UST: variants seen among roughly 807,000 people sequenced by gnomAD.
UST encodes the protein chondroitin sulfate 2-O-sulfotransferase.
In UST, 21 loss-of-function variants were observed where a neutral mutation model predicts 45.6. The ratio of observed to expected loss-of-function variants is 0.46; its 90% CI spans 0.33 to 0.66. The LOEUF (loss-of-function observed/expected upper bound fraction) is 0.66, where lower values mean the gene tolerates loss of function less well. Among genes scored for constraint, UST ranks in the 30% least tolerant of loss-of-function variants. The pLI is 0.02. For synonymous variants in UST, 215 were observed against 200.6 expected (o/e 1.07, Z -0.61); for missense variants, 463 against 512.4 (o/e 0.90, Z 0.93).
intron 4 of UST, among the ~76,000 whole-genome samples, chr6:148,961,714 T>TA (rs1780662693): frequency 6.6e-6 from 1 of 152,214 alleles, no homozygotes; most frequent in South Asian, 2.1e-4. Flanking sequence ...TCAAGGCTTT[T>TA]AAAAATCACT....
intron 7 of UST, among the ~76,000 whole-genome samples, chr6:149,035,706 CTG>C (rs1344217835): frequency 6.6e-6 from 1 of 151,808 alleles, no homozygotes; most frequent in Non-Finnish European, 1.5e-5. Flanking sequence ...TGCAGGGTTG[CTG>C]TGAGCCAAGA....
At chr6:148,906,570 T>C (rs1779364755) in intron 2 of UST, among the ~76,000 whole-genome samples, 1 of 152,174 alleles carries the variant, frequency 6.6e-6, no homozygotes, top group Non-Finnish European at 1.5e-5. Context: ...TGACTGCCAT[T>C]GTATTAGGTT....
At chr6:148,993,625 C>G (rs577854366) in intron 5 of UST, among the ~76,000 whole-genome samples, 1 of 152,276 alleles carries the variant, frequency 6.6e-6, no homozygotes, top group African/African-American at 2.4e-5. Flanking sequence ...GAGGTGGGGC[C>G]TGGTGGGAAG....
intron 1 of UST, among the ~76,000 whole-genome samples, chr6:148,879,642 G>A (rs368493382): frequency 6.6e-6 from 1 of 152,176 alleles, no homozygotes; most frequent in African/African-American, 2.4e-5. Flanking sequence ...CAGTGAAGGC[G>A]GCTCTAATAC....
intron 7 of UST, among the ~76,000 whole-genome samples, chr6:149,058,966 C>T (rs1202285770): frequency 6.6e-6 from 1 of 152,144 alleles, no homozygotes. Flanking sequence ...ATGTATTTAC[C>T]GTAGCACATA....
chr6:148,837,435 G>A (rs139359950), intron 1 of UST, among the ~76,000 whole-genome samples: 1 of 152,272 alleles, frequency 6.6e-6, no homozygotes, highest in Non-Finnish European at 1.5e-5. Flanking sequence ...TATCAGACAG[G>A]TTACTAAAAG....
At chr6:148,891,527 A>G (rs1218293166) in intron 2 of UST, among the ~76,000 whole-genome samples, 3 of 152,222 alleles carry the variant, frequency 2.0e-5, no homozygotes, top group Non-Finnish European at 4.4e-5. Flanking sequence ...TACTTTACAG[A>G]TAAGGGAGCT....
intron 1 of UST, among the ~76,000 whole-genome samples, chr6:148,811,858 G>C (rs1338463822): frequency 6.6e-6 from 1 of 152,190 alleles, no homozygotes; most frequent in African/African-American, 2.4e-5. Flanking sequence ...CGAATTCAAA[G>C]GGAGGCAAAA....
rs978952818 is a variant in UST at position 149,068,752 on chromosome 6, A to AT, written c.938-5072dup. On this transcript the variant is annotated intron_variant, in intron 7 of 7. Transcript: ENST00000367463. ...ATTTCTATGTGTTAGGAACATTTGA[A>AT]TTTTTTTTTCTAGCTACTTTGAAAC... Among the ~76,000 whole-genome samples, 3 of 151,840 alleles carry AT rather than the reference A, an allele frequency of 2.0e-5. 1 individual carries two copies. The highest frequency in any genetic ancestry group is 2.1e-4 in the South Asian group (1 of 4,784).
chr6:148,799,113 A>C (rs1009821448), intron 1 of UST, among the ~76,000 whole-genome samples: 1 of 152,098 alleles, frequency 6.6e-6, no homozygotes, highest in African/African-American at 2.4e-5. Context: ...CAGGTGATTC[A>C]CCTGCCTTGG....
At chr6:149,032,450 C>G (rs1776162943) in intron 7 of UST, 1 of 153,392 alleles carries the variant, frequency 6.5e-6, no homozygotes, top group South Asian at 2.1e-4. Context: ...CACTGCATCC[C>G]CAGACACCAA....
chr6:148,925,631 G>T (rs1297727630), intron 2 of UST, among the ~76,000 whole-genome samples: 1 of 152,138 alleles, frequency 6.6e-6, no homozygotes, highest in Non-Finnish European at 1.5e-5. Context: ...ATCTTCAAAG[G>T]AATTGTGTAT....
chr6:148,775,770 G>A (rs1018701291), intron 1 of UST, among the ~76,000 whole-genome samples: 1 of 152,174 alleles, frequency 6.6e-6, no homozygotes, highest in East Asian at 1.9e-4. Flanking sequence ...TGGGATCACA[G>A]GCACACGCCT....
chr6:148,870,075 C>T (rs1191346114), intron 1 of UST, among the ~76,000 whole-genome samples: 4 of 146,276 alleles, frequency 2.7e-5, no homozygotes, highest in African/African-American at 1.0e-4. Context: ...CTGGGTTTAG[C>T]TTTCCCCCAG....
intron 7 of UST, among the ~76,000 whole-genome samples, chr6:149,053,439 C>T (rs1012851722): frequency 1.3e-5 from 2 of 152,228 alleles, no homozygotes; most frequent in African/African-American, 4.8e-5. Context: ...ATTCCATGCT[C>T]ATGTTCAGGG....
intron 7 of UST, among the ~76,000 whole-genome samples, chr6:149,054,511 T>C (rs10872629): frequency 0.66 from 100,078 of 151,982 alleles, 33,946 homozygotes; most frequent in African/African-American, 0.82. Context: ...CAGGCTGGAG[T>C]TGGGGGACAC....
At chr6:148,889,993 T>C (rs1037454744) in intron 2 of UST, among the ~76,000 whole-genome samples, 3 of 151,808 alleles carry the variant, frequency 2.0e-5, no homozygotes, top group African/African-American at 7.3e-5. Context: ...CCCTTTAGAG[T>C]AAATCCAGTT....
chr6:148,885,293 A>G (rs1049239294), intron 1 of UST, among the ~76,000 whole-genome samples: 4 of 152,158 alleles, frequency 2.6e-5, no homozygotes, highest in Non-Finnish European at 5.9e-5. Context: ...GCATATTCCC[A>G]TGCTGAGCAG....
intron 1 of UST, among the ~76,000 whole-genome samples, chr6:148,803,152 G>A (rs1158674054): frequency 6.6e-6 from 1 of 152,132 alleles, no homozygotes; most frequent in Non-Finnish European, 1.5e-5. Context: ...TCAGATTATA[G>A]TATTTTCTGC....
Sources: gnomAD v4.1 joint callset for allele counts (sites outside exome capture counted in the v4.1 genomes callset) on GRCh38, gnomAD v4.1.1 for gene constraint, MANE v1.5 for transcripts, NCBI Gene and HGNC (gene_info 2026-07-23, HGNC 2026-07-21) for gene names.